The following HERPUD2 variants were observed in gnomAD, a reference collection of about 807,000 sequenced individuals.
The protein encoded by HERPUD2 is HERPUD family member 2.
A neutral mutation model predicts 49.9 loss-of-function variants in HERPUD2; 13 were observed. That is an observed-to-expected ratio of 0.26 (90% CI 0.17 to 0.41). The LOEUF (loss-of-function observed/expected upper bound fraction) is 0.41. Among genes scored for constraint, HERPUD2 ranks in the 10% least tolerant of loss-of-function variants. HERPUD2 has a pLI of 1.00. For synonymous variants in HERPUD2, 172 were observed against 171.4 expected (o/e 1.00, Z -0.03); for missense variants, 449 against 492.2 (o/e 0.91, Z 0.83).
At chr7:35,636,651 A>C (rs530101185) in intron 6 of HERPUD2, among the ~76,000 whole-genome samples, 1 of 152,174 alleles carries the variant, frequency 6.6e-6, no homozygotes, top group Non-Finnish European at 1.5e-5. Context: ...GTAAGGTATG[A>C]ACATCCTGTC....
At chr7:35,666,028 CACT>C (rs2115947633) in intron 5 of HERPUD2, among the ~76,000 whole-genome samples, 1 of 152,246 alleles carries the variant, frequency 6.6e-6, no homozygotes, top group South Asian at 2.1e-4. Context: ...CACCTTCCAC[CACT>C]ACCACCAAAT....
rs1466623348 is a variant in HERPUD2, at chr7:35,682,353, GTGTGTATATATATATATA to G, written c.148-9093_148-9076del. On this transcript the variant is annotated intron_variant, in intron 2 of 8. Coordinates refer to ENST00000311350, the MANE Select transcript of HERPUD2 (RefSeq NM_022373.5). Reference sequence around the variant, plus strand: ...TGTGTGTGTGTGTGTGTGTGTGTGTGTGTGTATATATATATATATATATATATATATATACTTAATCGG... The same window carrying G: ...TGTGTGTGTGTGTGTGTGTGTGTGTGTATATATATATATATACTTAATCGG... Among the ~76,000 whole-genome samples the G allele has an allele frequency of 9.8e-4, 27 of 27,588 alleles. 3 individuals are homozygous for G. The highest frequency in any genetic ancestry group is 7.1e-3 in the South Asian group (5 of 708). The allele number at this position is 27,588 out of a possible 152,430, so 18.1% of individuals were successfully genotyped here. A position where few individuals can be genotyped will look rare whatever the true frequency, so the allele number is the denominator to read the frequency against.
rs575169313 is a variant in HERPUD2, at chr7:35,666,489, C to T, written c.494+945G>A. Among the ~76,000 whole-genome samples the T allele has an allele frequency of 7.2e-5, 11 of 152,330 alleles. No individual in the cohort carries two copies. The East Asian group carries it at 2.1e-3, about 29-fold the overall frequency. On this transcript the variant is annotated intron_variant, in intron 5 of 8. Coordinates refer to ENST00000311350, the MANE Select transcript of HERPUD2 (RefSeq NM_022373.5). ...ACCACCTACATTACAATTCTGAGGT[C>T]CTAGCCATATTCTCATTTCTAGCTC...
rs779741114 is a variant in HERPUD2 at position 35,638,422 on chromosome 7, A to G, written c.545T>C (p.Val182Ala). The change falls in exon 6 of 9, where the codon GTG (valine) becomes GCG (alanine). Residue 182 changes from valine (V) to alanine (A), a missense_variant. Transcript: ENST00000311350. ...PGQAAPPGFP[V>A]YPAFSPLQML... ...CTGCAGTGGGCTAAACGCGGGATACACTGGGAATCCAGGTGGAGCAGCTTG... is the reference window on the plus strand; with the variant it reads ...CTGCAGTGGGCTAAACGCGGGATACGCTGGGAATCCAGGTGGAGCAGCTTG... 8.1e-6 allele frequency: 13 copies of G among 1,613,572 alleles called. No homozygotes were observed. The East Asian group carries it at 8.9e-5, about 11-fold the overall frequency.
At chr7:35,672,239 T>A (rs1340532249) in intron 3 of HERPUD2, among the ~76,000 whole-genome samples, 2 of 147,056 alleles carry the variant, frequency 1.4e-5, no homozygotes, top group Non-Finnish European at 1.5e-5. Context: ...AATTTTGCTA[T>A]AAACCTAAAA....
intron 2 of HERPUD2, among the ~76,000 whole-genome samples, chr7:35,674,647 G>T (rs936999731): frequency 6.6e-6 from 1 of 151,828 alleles, no homozygotes; most frequent in Admixed American, 6.6e-5. Context: ...TTAGAAGGTT[G>T]CAACTTTCAG....
At chr7:35,685,330 T>C (rs1380007415) in intron 2 of HERPUD2, among the ~76,000 whole-genome samples, 2 of 150,132 alleles carry the variant, frequency 1.3e-5, no homozygotes, top group Non-Finnish European at 3.0e-5. Context: ...TTTTTGTTTT[T>C]TTTTTTTTTT....
At chr7:35,692,224 G>A (rs904561657) in intron 2 of HERPUD2, among the ~76,000 whole-genome samples, 1 of 152,210 alleles carries the variant, frequency 6.6e-6, no homozygotes, top group Non-Finnish European at 1.5e-5. Flanking sequence ...CTAGTGATCA[G>A]TGCTGCACAG....
intron 2 of HERPUD2, among the ~76,000 whole-genome samples, chr7:35,689,051 G>A (rs150174511): frequency 1.1e-4 from 17 of 152,228 alleles, no homozygotes; most frequent in African/African-American, 3.1e-4. Flanking sequence ...TTAAATAAAA[G>A]CATTCTAGAC....
chr7:35,651,037 T>C lies in HERPUD2; in HGVS notation c.495-12565A>G, dbSNP rs190634928. ...GCCTGAGGACCCAATCTGCCACTAC[T>C]ACCACAGCAGACACCCATGTGCATG... On this transcript the variant is annotated intron_variant, in intron 5 of 8. Coordinates refer to ENST00000311350, the MANE Select transcript of HERPUD2 (RefSeq NM_022373.5). Among the ~76,000 whole-genome samples the C allele has an allele frequency of 2.7e-3, 417 of 152,292 alleles. 2 individuals are homozygous for C. The highest frequency in any genetic ancestry group is 0.015 in the South Asian group (73 of 4,826).
At chr7:35,639,141 G>A (rs1345936452) in intron 5 of HERPUD2, among the ~76,000 whole-genome samples, 3 of 151,332 alleles carry the variant, frequency 2.0e-5, no homozygotes, top group African/African-American at 7.3e-5. Context: ...CAATTCTCCT[G>A]CCTCAGTCTC....
chr7:35,694,315 T>C lies in HERPUD2; in HGVS notation c.16A>G (p.Met6Val), dbSNP rs144332852. Residue 6 changes from methionine to valine, a missense_variant, in exon 2 of 9, where the codon ATG becomes GTG. Physicochemically the swap from Met to Val is conservative, Grantham distance 21. Coordinates refer to ENST00000311350, the MANE Select transcript of HERPUD2 (RefSeq NM_022373.5). MDQSG[M>V]EIPVTLIIKA... is the part of the protein sequence containing the mutation. Reference sequence around the variant, plus strand: ...ATGATGAGGGTCACAGGAATCTCCATCCCACTTTGGTCCATGGTGCCCCCA... The same window carrying C: ...ATGATGAGGGTCACAGGAATCTCCACCCCACTTTGGTCCATGGTGCCCCCA... 1 of 1,614,116 alleles carries C rather than the reference T, an allele frequency of 6.2e-7. No homozygotes were observed. Among genetic ancestry groups the C allele is most frequent in the Admixed American group, 1.7e-5 (1 of 60,008 alleles).
At chr7:35,689,622 T>C (rs1226105684) in intron 2 of HERPUD2, among the ~76,000 whole-genome samples, 1 of 152,212 alleles carries the variant, frequency 6.6e-6, no homozygotes, top group African/African-American at 2.4e-5. Context: ...ATATATACAA[T>C]TGGTTCTATT....
chr7:35,635,708 C>T (rs114253235), intron 6 of HERPUD2, among the ~76,000 whole-genome samples: 2,046 of 152,146 alleles, frequency 0.013, 42 homozygotes, highest in East Asian at 0.072. Context: ...AGGCAAAAGA[C>T]GTGAGAGCAG....
intron 5 of HERPUD2, among the ~76,000 whole-genome samples, chr7:35,639,393 T>A (rs940892028): frequency 4.6e-5 from 7 of 152,178 alleles, no homozygotes; most frequent in African/African-American, 2.4e-5. Flanking sequence ...CATACTTCAG[T>A]TTCCTCACTT....
At chr7:35,653,026 G>C (rs1785199724) in intron 5 of HERPUD2, among the ~76,000 whole-genome samples, 1 of 151,608 alleles carries the variant, frequency 6.6e-6, no homozygotes, top group Non-Finnish European at 1.5e-5. Context: ...AGGAAGAAAT[G>C]CTATACAAAA....
In HERPUD2 at chr7:35,689,673, C is replaced by T. The variant is rs563019391; in HGVS notation, c.147+4511G>A. ...CTAATAGAATCTGAGAGTAAAGGAA[C>T]AGTTTGAAAAAACAGCACAAACCTG... On this transcript the variant is annotated intron_variant, in intron 2 of 8. Coordinates refer to ENST00000311350, the MANE Select transcript of HERPUD2 (RefSeq NM_022373.5). 7.9e-5 allele frequency among the ~76,000 whole-genome samples: 12 copies of T among 152,218 alleles called. No homozygotes were observed. The South Asian group carries it at 2.5e-3, about 32-fold the overall frequency.
At chr7:35,657,523 G>A (rs113838933) in intron 5 of HERPUD2, among the ~76,000 whole-genome samples, 11,069 of 150,158 alleles carry the variant, frequency 0.074, 583 homozygotes, top group South Asian at 0.21. Flanking sequence ...TTGGGAGGCC[G>A]AGGTGGGAGA....
chr7:35,687,929 T>G (rs1002620162), intron 2 of HERPUD2, among the ~76,000 whole-genome samples: 3 of 152,182 alleles, frequency 2.0e-5, no homozygotes, highest in African/African-American at 7.2e-5. Context: ...AAAATCATGT[T>G]CCTAGTATAT....
Sources: allele counts gnomAD v4.1 joint callset (sites outside exome capture counted in the v4.1 genomes callset), GRCh38; gene constraint gnomAD v4.1.1; transcripts MANE v1.5; gene names NCBI Gene and HGNC (gene_info 2026-07-23, HGNC 2026-07-21).